Variants in NDST4 observed in about 807,000 individuals in gnomAD.
The protein encoded by NDST4 is N-deacetylase and N-sulfotransferase 4, also known as N-heparan sulfate sulfotransferase 4.
In NDST4, 63 loss-of-function variants were observed where a neutral mutation model predicts 100.8. The observed-to-expected ratio is 0.62, with a 90% CI of 0.51 to 0.77. The LOEUF is 0.77. Ranked by LOEUF, NDST4 falls within the 30% of genes least tolerant of loss-of-function variation. The pLI is 0.00. For synonymous variants in NDST4, 377 were observed against 361.8 expected, an observed-to-expected ratio of 1.04 and a Z score of -0.48; for missense variants, 943 against 1,018.4, an observed-to-expected ratio of 0.93 and a Z score of 1.01.
chr4:115,045,271 C>G (rs185514531), intron 2 of NDST4, among the ~76,000 whole-genome samples: 161 of 152,178 alleles, frequency 1.1e-3, no homozygotes, highest in African/African-American at 3.7e-3. Flanking sequence ...AATATAGAAT[C>G]AAGCCAATCT....
chr4:114,891,618 C>T (rs1405277862), intron 6 of NDST4, among the ~76,000 whole-genome samples: 1 of 152,004 alleles, frequency 6.6e-6, no homozygotes, highest in East Asian at 1.9e-4. Flanking sequence ...TTTAATATCT[C>T]TTTAGCTATA....
intron 2 of NDST4, among the ~76,000 whole-genome samples, chr4:115,050,336 A>G (rs1728556769): frequency 6.6e-6 from 1 of 152,122 alleles, no homozygotes. Flanking sequence ...GTAAACAGGT[A>G]AGAATCTATA....
At chr4:115,089,763 G>GT (rs1211619828) in intron 1 of NDST4, among the ~76,000 whole-genome samples, 1 of 151,774 alleles carries the variant, frequency 6.6e-6, no homozygotes, top group African/African-American at 2.4e-5. Flanking sequence ...TGTTTTAATA[G>GT]TTTTTTATTG....
intron 4 of NDST4, among the ~76,000 whole-genome samples, chr4:114,948,734 A>T (rs1170795987): frequency 1.3e-5 from 2 of 152,088 alleles, no homozygotes; most frequent in Admixed American, 1.3e-4. Context: ...ACAATTTCTT[A>T]TATTTGAATA....
intron 2 of NDST4, among the ~76,000 whole-genome samples, chr4:115,042,985 T>A (rs1214489572): frequency 6.6e-6 from 1 of 152,050 alleles, no homozygotes; most frequent in East Asian, 1.9e-4. Context: ...TTCAAATATT[T>A]AAAAATCTTT....
At chr4:114,981,385 T>C (rs1726769256) in intron 2 of NDST4, among the ~76,000 whole-genome samples, 1 of 152,162 alleles carries the variant, frequency 6.6e-6, no homozygotes, top group South Asian at 2.1e-4. Context: ...AGAAAATTGC[T>C]AAAATTGTCA....
intron 4 of NDST4, among the ~76,000 whole-genome samples, chr4:114,966,926 A>C (rs1040887181): frequency 5.9e-5 from 9 of 152,120 alleles, no homozygotes; most frequent in Non-Finnish European, 1.3e-4. Flanking sequence ...AGTCATTACT[A>C]TTTCGAGAGA....
chr4:114,945,438 A>T (rs776782862), intron 4 of NDST4, among the ~76,000 whole-genome samples: 1 of 152,214 alleles, frequency 6.6e-6, no homozygotes, highest in South Asian at 2.1e-4. Context: ...AGCCCACAAT[A>T]TATTTGAGAT....
chr4:114,913,014 C>A (rs2126215660), intron 6 of NDST4, among the ~76,000 whole-genome samples: 1 of 152,056 alleles, frequency 6.6e-6, no homozygotes, highest in African/African-American at 2.4e-5. Flanking sequence ...GAAACTGATT[C>A]TGACTTTCTC....
At chr4:114,864,903 A>G (rs1013215367) in intron 7 of NDST4, among the ~76,000 whole-genome samples, 1 of 152,136 alleles carries the variant, frequency 6.6e-6, no homozygotes, top group East Asian at 1.9e-4. Flanking sequence ...CTTTAGACAC[A>G]AAATGTTTCT....
At chr4:114,853,318 C>A (rs1451545365) in intron 7 of NDST4, among the ~76,000 whole-genome samples, 2 of 152,144 alleles carry the variant, frequency 1.3e-5, no homozygotes, top group Non-Finnish European at 2.9e-5. Context: ...CTGATAGCTT[C>A]TAGATCAGTA....
chr4:115,003,535 T>A (rs529706323), intron 2 of NDST4, among the ~76,000 whole-genome samples: 1 of 152,118 alleles, frequency 6.6e-6, no homozygotes, highest in East Asian at 1.9e-4. Flanking sequence ...CTGACAAAAA[T>A]TTTTAAGAAT....
Position 114,956,689 on chromosome 4 carries a change from C to G in NDST4, c.1221+13741G>C, listed in dbSNP as rs138300716. On this transcript the variant is annotated intron_variant, in intron 4 of 13. Coordinates refer to ENST00000264363, the MANE Select transcript of NDST4 (RefSeq NM_022569.3). ...CAGTCAAAGAAGGCCATGCTAAAAC[C>G]ACTATTGTCCAAGAGTGACTATGTT... Among the ~76,000 whole-genome samples, 260 of 152,240 alleles carry G rather than the reference C, an allele frequency of 1.7e-3. 2 individuals carry two copies. The highest frequency in any genetic ancestry group is 6.0e-3 in the African/African-American group (251 of 41,542).
intron 6 of NDST4, among the ~76,000 whole-genome samples, chr4:114,871,189 C>T (rs1724142177): frequency 6.6e-6 from 1 of 152,104 alleles, no homozygotes; most frequent in Non-Finnish European, 1.5e-5. Flanking sequence ...TATAGCATTA[C>T]TTTGCATATC....
intron 1 of NDST4, among the ~76,000 whole-genome samples, chr4:115,099,251 G>A (rs536292409): frequency 6.6e-5 from 10 of 152,146 alleles, no homozygotes; most frequent in African/African-American, 1.9e-4. Context: ...AGAAGATCTA[G>A]ATGACCTTGA....
In NDST4 at chr4:114,975,480, CCTT is replaced by C. The variant is rs1433896043; in HGVS notation, c.1066+1704_1066+1706del. 2.6e-5 allele frequency among the ~76,000 whole-genome samples: 4 copies of C among 152,142 alleles called. No individual in the cohort carries two copies. In the East Asian group the frequency reaches 5.8e-4, roughly 22 times the overall value. On this transcript the variant is annotated intron_variant, in intron 3 of 13. Transcript: ENST00000264363. ...AAAATACATCTTTCTTTTTTACTGT[CCTT>C]CTTCAATAACTATTTCTGTGATACT...
At chr4:114,975,065 T>C (rs1442608264) in intron 3 of NDST4, among the ~76,000 whole-genome samples, 6 of 152,112 alleles carry the variant, frequency 3.9e-5, no homozygotes, top group Non-Finnish European at 2.9e-5. Flanking sequence ...TTTTCTAAAA[T>C]GTGAAATCTC....
At chr4:114,890,998 G>T (rs1022931765) in intron 6 of NDST4, among the ~76,000 whole-genome samples, 1 of 151,854 alleles carries the variant, frequency 6.6e-6, no homozygotes, top group Admixed American at 6.6e-5. Context: ...TTGGCTTTGG[G>T]TTTGACCTCT....
At chr4:114,889,376 A>G (rs979117605) in intron 6 of NDST4, among the ~76,000 whole-genome samples, 2 of 152,194 alleles carry the variant, frequency 1.3e-5, no homozygotes, top group Non-Finnish European at 1.5e-5. Context: ...CAAATATTAA[A>G]GAGATGTCAA....
Sources: allele counts gnomAD v4.1 joint callset (sites outside exome capture counted in the v4.1 genomes callset), GRCh38; gene constraint gnomAD v4.1.1; transcripts MANE v1.5; gene names NCBI Gene and HGNC (gene_info 2026-07-23, HGNC 2026-07-21).